The following DLX4 variants were observed in gnomAD, a reference collection of about 807,000 sequenced individuals.
DLX4 encodes distal-less homeobox 4.
Under a neutral mutation model 17.1 loss-of-function variants are expected in DLX4, and 13 were observed. The observed-to-expected ratio is 0.76, with a 90% CI of 0.49 to 1.21. DLX4 has a LOEUF of 1.21. Ranked by LOEUF, DLX4 falls within the 50% of genes most tolerant of loss-of-function variation. The pLI, the probability that DLX4 is intolerant of heterozygous loss-of-function variation, is 0.00. For synonymous variants in DLX4, 129 were observed against 140.3 expected, an observed-to-expected ratio of 0.92 and a Z score of 0.57; for missense variants, 297 against 301.4, an observed-to-expected ratio of 0.99 and a Z score of 0.11.
In DLX4 at chr17:49,974,013, C is replaced by A. The variant is rs1469290048; in HGVS notation, c.*70C>A. The A allele has an allele frequency of 2.7e-6, 4 of 1,470,874 alleles. No homozygotes were observed. Among genetic ancestry groups the A allele is most frequent in the Non-Finnish European group, 3.6e-6 (4 of 1,115,176 alleles). 91.1% of individuals were successfully genotyped at this position (1,470,874 alleles called of 1,614,324 possible). A position where few individuals can be genotyped will look rare whatever the true frequency, so the allele number is the denominator to read the frequency against. ...CAGGACCCAGGCAGTCCACCTGCAC[C>A]CCTTCTGGGCTGGGAGGAAACCAGC... On this transcript the variant is annotated 3_prime_UTR_variant, in exon 3 of 3. Coordinates refer to ENST00000240306, the MANE Select transcript of DLX4 (RefSeq NM_138281.3).
In DLX4 at chr17:49,969,594, C is replaced by T. The variant is rs556511442; in HGVS notation, c.126C>T (p.Ser42=). 18 of 1,613,698 alleles carry T rather than the reference C, an allele frequency of 1.1e-5. No individual in the cohort carries two copies. Among genetic ancestry groups the T allele is most frequent in the Middle Eastern group, 3.3e-4 (2 of 6,062 alleles). The part of the protein sequence containing the change: ...PLGLSPTTAA[S]PNLSYSRPYG... ...GCTTGTCCCCTACAACCGCAGCCTC[C>T]CCCAATTTGTCCTACTCCAGGCCGT... The change falls in exon 1 of 3, where the codon TCC becomes TCT. Residue 42 remains serine (S), a synonymous_variant. Transcript: ENST00000240306.
At chr17:49,971,893 C>T (rs1352271753) in intron 1 of DLX4, 1 of 152,092 alleles carries the variant, frequency 6.6e-6, no homozygotes, top group African/African-American at 2.4e-5. Flanking sequence ...CGCGGCTGGC[C>T]GAGGGCGGGT....
rs771636339 is a variant in DLX4, at chr17:49,972,964, T to C, written c.284-109T>C. On this transcript the variant is annotated intron_variant, in intron 1 of 2. Coordinates refer to ENST00000240306, the MANE Select transcript of DLX4 (RefSeq NM_138281.3). The surrounding 1 kb of genome is among the most constrained non-coding windows in gnomAD (Gnocchi z 5.4). ...CGATCCTGGTGGCTGCGCTTTTTGC[T>C]ATTTGCTGCCGACGGCATGCAGACG... is the stretch of plus-strand genomic sequence containing the variant. The C allele has an allele frequency of 6.5e-7, 1 of 1,533,080 alleles. No homozygotes were observed. The highest frequency in any genetic ancestry group is 1.4e-5 in the African/African-American group (1 of 72,402). 95.0% of individuals were successfully genotyped at this position (1,533,080 alleles called of 1,614,324 possible). A position where few individuals can be genotyped will look rare whatever the true frequency, so the allele number is the denominator to read the frequency against.
chr17:49,973,193 G>A lies in DLX4; in HGVS notation c.404G>A (p.Arg135His), dbSNP rs151318731. 1 of 1,614,134 alleles carries A rather than the reference G, an allele frequency of 6.2e-7. No homozygotes were observed. Among genetic ancestry groups the A allele is most frequent in the African/African-American group, 1.3e-5 (1 of 75,030 alleles). ...CTGCAGCTGCAGCACCTAAACCAGC[G>A]TTTCCAGCACACGCAGTACCTGGCG... The part of the protein sequence containing the change: ...SSLQLQHLNQ[R>H]FQHTQYLALP... The change falls in exon 2 of 3, where the codon CGT becomes CAT. Residue 135 changes from arginine (R) to histidine (H), a missense_variant. Physicochemically the swap from Arg to His is conservative, Grantham distance 29 (BLOSUM62 0). Coordinates refer to ENST00000240306, the MANE Select transcript of DLX4 (RefSeq NM_138281.3).
chr17:49,973,351 C>A (rs1446076005), intron 2 of DLX4, 82 bp downstream of exon 2: 38 of 1,536,938 alleles, frequency 2.5e-5, no homozygotes, highest in Non-Finnish European at 2.9e-5. Context: ...CTGTGAATGA[C>A]TGATGGATTG....
intron 1 of DLX4, among the ~76,000 whole-genome samples, chr17:49,970,354 C>T (rs909787172): frequency 1.3e-5 from 2 of 152,202 alleles, no homozygotes; most frequent in Non-Finnish European, 2.9e-5. Flanking sequence ...GAGTAGGACC[C>T]TTCTATCCAT....
At chr17:49,970,918 C>T (rs1227106631) in intron 1 of DLX4, among the ~76,000 whole-genome samples, 1 of 152,166 alleles carries the variant, frequency 6.6e-6, no homozygotes, top group African/African-American at 2.4e-5. Flanking sequence ...CCAGGAGCAT[C>T]GATTTTAGGG....
At chr17:49,970,113 C>T (rs756407750) in intron 1 of DLX4, among the ~76,000 whole-genome samples, 1 of 152,140 alleles carries the variant, frequency 6.6e-6, no homozygotes, top group Admixed American at 6.5e-5. Context: ...TGTCAGAATC[C>T]CCCAGCCCCC....
In DLX4 at chr17:49,973,244, C is replaced by T. The variant is rs749061325; in HGVS notation, c.455C>T (p.Ala152Val). 1.7e-5 allele frequency: 28 copies of T among 1,613,876 alleles called. No individual in the cohort carries two copies. The highest frequency in any genetic ancestry group is 1.8e-5 in the Non-Finnish European group (21 of 1,180,036). ...CTGCCCGAGAGGGCCCAGCTGGCAG[C>T]GCAGCTCGGCCTCACCCAGACCCAG... Reference protein sequence around the residue: ...LALPERAQLAAQLGLTQTQVK... With the variant: ...LALPERAQLAVQLGLTQTQVK... Residue 152 changes from alanine to valine, a missense_variant, in exon 2 of 3, where the codon GCG becomes GTG. Transcript: ENST00000240306.
At position 49,969,570 on chromosome 17, in the gene DLX4, C is replaced by T; in HGVS notation, c.102C>T (p.Gly34=). The change falls in exon 1 of 3, where the codon GGC becomes GGT. Residue 34 remains glycine, a synonymous_variant. Transcript: ENST00000240306. Reference sequence around the variant, plus strand: ...CGGTAGCGGCTGCCTACCCGCTTGGCTTGTCCCCTACAACCGCAGCCTCCC... The same window carrying T: ...CGGTAGCGGCTGCCTACCCGCTTGGTTTGTCCCCTACAACCGCAGCCTCCC... The part of the protein sequence containing the change: ...VPSVAAAYPL[G]LSPTTAASPN... The T allele has an allele frequency of 1.2e-6, 2 of 1,613,656 alleles. No homozygotes were observed. The highest frequency in any genetic ancestry group is 1.7e-6 in the Non-Finnish European group (2 of 1,179,986).
chr17:49,969,714 C>T lies in DLX4; in HGVS notation c.246C>T (p.Leu82=), dbSNP rs770489906. Residue 82 remains leucine, a synonymous_variant, in exon 1 of 3, where the codon CTC becomes CTT. Coordinates refer to ENST00000240306, the MANE Select transcript of DLX4 (RefSeq NM_138281.3). The part of the protein sequence containing the change: ...CQQPAALSQP[L]CGPAEHPQEL... ...AACCCGCGGCGCTCTCTCAGCCCCT[C>T]TGCGGACCTGCAGAGCACCCTCAGG... 1.2e-5 allele frequency: 19 copies of T among 1,601,106 alleles called. No individual in the cohort carries two copies. In the Admixed American group the frequency reaches 3.2e-4, roughly 27 times the overall value.
chr17:49,971,468 G>C (rs952589202), intron 1 of DLX4, among the ~76,000 whole-genome samples: 2 of 152,170 alleles, frequency 1.3e-5, no homozygotes, highest in African/African-American at 4.8e-5. Flanking sequence ...AGCGGGCCTG[G>C]AGGGAGGCCT....
intron 1 of DLX4, 35 bp downstream of exon 1, chr17:49,969,786 G>T: frequency 6.5e-7 from 1 of 1,532,418 alleles, no homozygotes; most frequent in Non-Finnish European, 8.7e-7. Flanking sequence ...CCCACCTCTG[G>T]GGTTCGGCTC....
rs869025279 is a variant in DLX4, at chr17:49,973,760, TG to T, written c.546del (p.Gln183ArgfsTer57). 25 of 1,551,798 alleles carry T rather than the reference TG, an allele frequency of 1.6e-5. No homozygotes were observed. The highest frequency in any genetic ancestry group is 8.0e-5 in the Admixed American group (4 of 49,778). On this transcript the variant is annotated frameshift_variant, in exon 3 of 3. Transcript: ENST00000240306. LOFTEE classifies it low-confidence loss of function (END_TRUNC). ...KYKKLLKQNS[G>X]GQEGDFPGRT... is the part of the protein sequence containing the mutation. Reference sequence around the variant, plus strand: ...ATAAGAAGCTCCTGAAGCAGAATTCTGGGGGGCAGGAAGGGGACTTCCCTGG... The same window carrying T: ...ATAAGAAGCTCCTGAAGCAGAATTCTGGGGGCAGGAAGGGGACTTCCCTGG...
In DLX4 at chr17:49,972,255, G is replaced by C. The variant is rs911704686; in HGVS notation, c.284-818G>C. The C allele has an allele frequency of 6.6e-6, 1 of 152,270 alleles. No individual in the cohort carries two copies. The highest frequency in any genetic ancestry group is 1.5e-5 in the Non-Finnish European group (1 of 68,100). 9.4% of individuals were successfully genotyped at this position (152,270 alleles called of 1,614,324 possible). The stretch of plus-strand genomic sequence containing the variant: ...CAGAGCTGACCAGATCCCCCGCGGC[G>C]GCACCGCAGCGCGATCCAGGAGTGG... On this transcript the variant is annotated intron_variant, in intron 1 of 2. Transcript: ENST00000240306. This position sits in a 1 kb window ranked among gnomAD's most constrained non-coding sequence, Gnocchi z 5.4.
chr17:49,971,804 G>T (rs1567907130), intron 1 of DLX4, among the ~76,000 whole-genome samples: 1 of 152,080 alleles, frequency 6.6e-6, no homozygotes, highest in African/African-American at 2.4e-5. Flanking sequence ...AGGCAGGGTC[G>T]AGGAGGGAGG....
In DLX4 at chr17:49,974,067, C is replaced by G. The variant is rs774989979; in HGVS notation, c.*124C>G. The stretch of plus-strand genomic sequence containing the variant: ...AGATGGGTTTTCTCTGGAGGACAAG[C>G]AGTTAGAGGAGAAAAAGGAATGGAG... On this transcript the variant is annotated 3_prime_UTR_variant, in exon 3 of 3. Coordinates refer to ENST00000240306, the MANE Select transcript of DLX4 (RefSeq NM_138281.3). 7.7e-7 allele frequency: 1 copy of G among 1,306,728 alleles called. No homozygotes were observed. The highest frequency in any genetic ancestry group is 2.7e-5 in the East Asian group (1 of 36,558). The allele number at this position is 1,306,728 out of a possible 1,614,324, so 80.9% of individuals were successfully genotyped here. A position where few individuals can be genotyped will look rare whatever the true frequency, so the allele number is the denominator to read the frequency against.
rs777303729 is a variant in DLX4, at chr17:49,973,225, G to A, written c.436G>A (p.Glu146Lys). 1.2e-6 allele frequency: 2 copies of A among 1,613,998 alleles called. No individual in the cohort carries two copies. The highest frequency in any genetic ancestry group is 1.7e-5 in the Admixed American group (1 of 60,012). Residue 146 changes from glutamate (E) to lysine (K), a missense_variant, in exon 2 of 3, where the codon GAG (glutamate) becomes AAG (lysine). Physicochemically the swap from Glu to Lys is moderately conservative, Grantham distance 56. Coordinates refer to ENST00000240306, the MANE Select transcript of DLX4 (RefSeq NM_138281.3). ...FQHTQYLALPERAQLAAQLGL... is the reference protein window; with the variant it reads ...FQHTQYLALPKRAQLAAQLGL... Reference sequence around the variant, plus strand: ...GCACACGCAGTACCTGGCGCTGCCCGAGAGGGCCCAGCTGGCAGCGCAGCT... The same window carrying A: ...GCACACGCAGTACCTGGCGCTGCCCAAGAGGGCCCAGCTGGCAGCGCAGCT...
At chr17:49,971,157 T>C (rs1436577460) in intron 1 of DLX4, among the ~76,000 whole-genome samples, 1 of 152,136 alleles carries the variant, frequency 6.6e-6, no homozygotes, top group Non-Finnish European at 1.5e-5. Context: ...TCAGGGGAAT[T>C]GCTGGCAGTA....
Sources: gnomAD v4.1 joint callset for allele counts (sites outside exome capture counted in the v4.1 genomes callset) on GRCh38, gnomAD v4.1.1 for gene constraint, Gnocchi (gnomAD v3.1) non-coding constraint, MANE v1.5 for transcripts, NCBI Gene and HGNC (gene_info 2026-07-23, HGNC 2026-07-21) for gene names.